Variants in ARFGEF3 observed in about 807,000 individuals in gnomAD.
The protein encoded by ARFGEF3 is brefeldin A-inhibited guanine nucleotide-exchange protein 3.
In ARFGEF3, 96 loss-of-function variants were observed where a neutral mutation model predicts 221.7. The observed-to-expected ratio is 0.43, with a 90% CI of 0.37 to 0.51. The LOEUF (loss-of-function observed/expected upper bound fraction) is 0.51. Ranked by LOEUF, ARFGEF3 falls within the 20% of genes least tolerant of loss-of-function variation. The pLI, the probability that ARFGEF3 is intolerant of heterozygous loss-of-function variation, is 0.00. For synonymous variants in ARFGEF3, 1,145 were observed against 1,126.8 expected, an observed-to-expected ratio of 1.02 and a Z score of -0.32; for missense variants, 2,410 against 2,789.9, an observed-to-expected ratio of 0.86 and a Z score of 3.07.
chr6:138,274,203 G>C (rs1322372055), intron 12 of ARFGEF3, among the ~76,000 whole-genome samples: 1 of 152,192 alleles, frequency 6.6e-6, no homozygotes, highest in African/African-American at 2.4e-5. Flanking sequence ...AATTATTACT[G>C]ATGTCTAAAA....
At chr6:138,215,127 C>A (rs967891362) in intron 4 of ARFGEF3, among the ~76,000 whole-genome samples, 2 of 152,198 alleles carry the variant, frequency 1.3e-5, no homozygotes, top group Non-Finnish European at 2.9e-5. Context: ...GTATAGGAGC[C>A]ATGTACGGAT....
chr6:138,281,493 A>G (rs1212050351), intron 14 of ARFGEF3, among the ~76,000 whole-genome samples: 2 of 152,218 alleles, frequency 1.3e-5, no homozygotes, highest in East Asian at 3.9e-4. Flanking sequence ...AGTCCCCAGT[A>G]TCTGTTGTTA....
intron 6 of ARFGEF3, among the ~76,000 whole-genome samples, chr6:138,239,281 A>G (rs1013707649): frequency 6.6e-6 from 1 of 152,224 alleles, no homozygotes; most frequent in Non-Finnish European, 1.5e-5. Context: ...CCTCTGTCAT[A>G]ATTTAGATTA....
At chr6:138,204,476 G>T (rs4895513) in intron 2 of ARFGEF3, among the ~76,000 whole-genome samples, 34,403 of 151,346 alleles carry the variant, frequency 0.23, 5,547 homozygotes, top group African/African-American at 0.44. Context: ...TTTGCCTGTT[G>T]TTGTAAATAA....
chr6:138,222,816 C>T (rs557777568), intron 4 of ARFGEF3, among the ~76,000 whole-genome samples: 18 of 152,170 alleles, frequency 1.2e-4, no homozygotes, highest in African/African-American at 3.1e-4. Flanking sequence ...GTGAACATGT[C>T]GCTTGGGGAG....
intron 1 of ARFGEF3, among the ~76,000 whole-genome samples, chr6:138,164,546 A>G (rs1195649370): frequency 6.6e-6 from 1 of 152,178 alleles, no homozygotes; most frequent in Non-Finnish European, 1.5e-5. Flanking sequence ...ACTATTTTGG[A>G]TAATAGTTGA....
intron 2 of ARFGEF3, among the ~76,000 whole-genome samples, chr6:138,205,417 T>C (rs1777609127): frequency 6.6e-6 from 1 of 152,168 alleles, no homozygotes; most frequent in African/African-American, 2.4e-5. Flanking sequence ...GTTTCAGGGG[T>C]TTACAGATGA....
intron 22 of ARFGEF3, among the ~76,000 whole-genome samples, chr6:138,303,774 A>G (rs1488996202): frequency 6.7e-6 from 1 of 149,136 alleles, no homozygotes; most frequent in Non-Finnish European, 1.5e-5. Context: ...AGGTAGGAGA[A>G]TCACTTGAAT....
intron 31 of ARFGEF3, among the ~76,000 whole-genome samples, chr6:138,327,453 A>AT (rs1780148057): frequency 6.6e-6 from 1 of 152,082 alleles, no homozygotes; most frequent in East Asian, 1.9e-4. Flanking sequence ...TGTTTCAAAA[A>AT]ATATATATAT....
chr6:138,200,734 A>T (rs1042199608), intron 2 of ARFGEF3, among the ~76,000 whole-genome samples: 1 of 152,196 alleles, frequency 6.6e-6, no homozygotes, highest in African/African-American at 2.4e-5. Flanking sequence ...AGAAGATAAC[A>T]TTGGAAAAAC....
intron 2 of ARFGEF3, among the ~76,000 whole-genome samples, chr6:138,186,144 T>C (rs991479801): frequency 6.6e-6 from 1 of 152,224 alleles, no homozygotes; most frequent in African/African-American, 2.4e-5. Context: ...TTGTTCCTAT[T>C]GATTGCAGCT....
Position 138,319,698 on chromosome 6 carries a change from T to C in ARFGEF3, c.4475-5T>C. The C allele has an allele frequency of 6.3e-7, 1 of 1,580,210 alleles. No individual in the cohort carries two copies. The highest frequency in any genetic ancestry group is 2.3e-5 in the East Asian group (1 of 44,308). On this transcript the variant is annotated splice_polypyrimidine_tract_variant and splice_region_variant and intron_variant, in intron 27 of 33. Transcript: ENST00000251691. ...GTTGTTGCTACGCTGACTTTTCTTT[T>C]TCAGGACCAGGGTTTGGTATCTATG...
At chr6:138,245,197 G>T (rs942891958) in intron 7 of ARFGEF3, among the ~76,000 whole-genome samples, 1 of 152,124 alleles carries the variant, frequency 6.6e-6, no homozygotes, top group African/African-American at 2.4e-5. Context: ...AGCTACTTAG[G>T]AGGCTGAGGC....
chr6:138,240,145 T>G (rs1007766055), intron 6 of ARFGEF3, among the ~76,000 whole-genome samples: 1 of 152,184 alleles, frequency 6.6e-6, no homozygotes, highest in African/African-American at 2.4e-5. Flanking sequence ...ACAATTTTAT[T>G]TATAGTAGGA....
At chr6:138,305,612 CAA>C (rs565498235) in intron 22 of ARFGEF3, among the ~76,000 whole-genome samples, 35 of 63,022 alleles carry the variant, frequency 5.6e-4, no homozygotes, top group Admixed American at 6.8e-4. Context: ...GACCCTGTCT[CAA>C]AAAAAAAAAA....
chr6:138,260,839 TAC>T (rs1778778626), intron 10 of ARFGEF3, among the ~76,000 whole-genome samples: 1 of 152,084 alleles, frequency 6.6e-6, no homozygotes, highest in African/African-American at 2.4e-5. Flanking sequence ...CTATAGATAT[TAC>T]ACACATTAAA....
chr6:138,182,220 A>T (rs9484125), intron 2 of ARFGEF3, among the ~76,000 whole-genome samples: 7,645 of 152,240 alleles, frequency 0.05, 612 homozygotes, highest in African/African-American at 0.17. Context: ...TCACCTTCCT[A>T]ACTCACTATG....
intron 2 of ARFGEF3, among the ~76,000 whole-genome samples, chr6:138,187,219 C>T (rs181580336): frequency 1.3e-5 from 2 of 152,292 alleles, no homozygotes; most frequent in East Asian, 3.9e-4. Context: ...CCGGCCCTCT[C>T]ATCCTTTTGA....
chr6:138,247,259 A>G (rs1185064623), intron 8 of ARFGEF3, among the ~76,000 whole-genome samples: 1 of 152,098 alleles, frequency 6.6e-6, no homozygotes, highest in Non-Finnish European at 1.5e-5. Context: ...TGGAGCTGGC[A>G]CTCAGATTAC....
Sources: gnomAD v4.1 joint callset for allele counts (sites outside exome capture counted in the v4.1 genomes callset) on GRCh38, gnomAD v4.1.1 for gene constraint, MANE v1.5 for transcripts, NCBI Gene and HGNC (gene_info 2026-07-23, HGNC 2026-07-21) for gene names.